MCC: variants seen among roughly 807,000 people sequenced by gnomAD.
MCC encodes MCC regulator of Wnt signaling pathway.
Under a neutral mutation model 116.2 loss-of-function variants are expected in MCC, and 90 were observed. The observed-to-expected ratio is 0.77, with a 90% CI of 0.65 to 0.92. The LOEUF is 0.92. Among genes scored for constraint, MCC ranks in the 40% least tolerant of loss-of-function variants. The probability of loss-of-function intolerance (pLI) is 0.00; values close to 1 mark genes in which losing one functional copy is unlikely to be tolerated. For missense variants in MCC, 1,516 were observed against 1,312.2 expected (o/e 1.16, Z -2.40); for synonymous variants, 578 against 510.5 (o/e 1.13, Z -1.78).
chr5:113,360,667 T>G (rs981717575), intron 2 of MCC, among the ~76,000 whole-genome samples: 6 of 152,214 alleles, frequency 3.9e-5, no homozygotes, highest in African/African-American at 1.4e-4. Flanking sequence ...TAAATTATGT[T>G]TTTCTGGAAA....
chr5:113,217,933 T>C (rs1050924793), intron 3 of MCC, among the ~76,000 whole-genome samples: 4 of 152,052 alleles, frequency 2.6e-5, no homozygotes, highest in Admixed American at 2.0e-4. Flanking sequence ...TTTCGGGGAC[T>C]GAGGAAGTGT....
At chr5:113,428,196 G>GT (rs1383644417) in intron 1 of MCC, among the ~76,000 whole-genome samples, 2 of 152,086 alleles carry the variant, frequency 1.3e-5, no homozygotes, top group Non-Finnish European at 2.9e-5. Flanking sequence ...TCAACCTCTA[G>GT]TACAAGGATG....
At chr5:113,127,795 C>G (rs943725263) in intron 5 of MCC, among the ~76,000 whole-genome samples, 1 of 152,162 alleles carries the variant, frequency 6.6e-6, no homozygotes, top group Non-Finnish European at 1.5e-5. Flanking sequence ...TGTAAGTTGT[C>G]TGTTTACTCT....
intron 1 of MCC, among the ~76,000 whole-genome samples, chr5:113,399,022 C>G (rs1769606177): frequency 6.6e-6 from 1 of 152,130 alleles, no homozygotes; most frequent in Non-Finnish European, 1.5e-5. Context: ...CTCAGTTGTA[C>G]TAGATCAACA....
At chr5:113,137,240 A>G (rs1254230194) in intron 5 of MCC, among the ~76,000 whole-genome samples, 1 of 152,112 alleles carries the variant, frequency 6.6e-6, no homozygotes, top group Non-Finnish European at 1.5e-5. Flanking sequence ...AAACCATCAG[A>G]TCTTGTCAGA....
intron 1 of MCC, among the ~76,000 whole-genome samples, chr5:113,421,568 C>A (rs1770334874): frequency 6.6e-6 from 1 of 152,182 alleles, no homozygotes; most frequent in Admixed American, 6.5e-5. Flanking sequence ...CATCTGTTAA[C>A]TATAAAAACT....
At chr5:113,052,644 G>T (rs192933285) in intron 15 of MCC, among the ~76,000 whole-genome samples, 12 of 152,132 alleles carry the variant, frequency 7.9e-5, no homozygotes, top group African/African-American at 2.9e-4. Context: ...GAGATGGTGC[G>T]ACCAGGGGGT....
intron 6 of MCC, among the ~76,000 whole-genome samples, chr5:113,111,496 G>A (rs1757094535): frequency 6.6e-6 from 1 of 152,290 alleles, no homozygotes; most frequent in South Asian, 2.1e-4. Flanking sequence ...AGCTACCTGC[G>A]ACACTGACCT....
chr5:113,180,583 T>C (rs1425945395), intron 3 of MCC, among the ~76,000 whole-genome samples: 1 of 152,168 alleles, frequency 6.6e-6, no homozygotes, highest in Non-Finnish European at 1.5e-5. Context: ...TGGCCCAAGA[T>C]TGACCACTTA....
At chr5:113,412,603 A>G (rs1028618284) in intron 1 of MCC, among the ~76,000 whole-genome samples, 1 of 152,072 alleles carries the variant, frequency 6.6e-6, no homozygotes, top group Non-Finnish European at 1.5e-5. Flanking sequence ...AATGCTTGTG[A>G]TTTTTGCACA....
At chr5:113,302,310 T>G (rs917023810) in intron 3 of MCC, among the ~76,000 whole-genome samples, 21 of 151,768 alleles carry the variant, frequency 1.4e-4, no homozygotes, top group Admixed American at 9.2e-4. Flanking sequence ...CTTCATCAAA[T>G]AAAATGCAAA....
chr5:113,455,896 T>G (rs1771529170), intron 1 of MCC, among the ~76,000 whole-genome samples: 1 of 152,118 alleles, frequency 6.6e-6, no homozygotes. Context: ...TGCACAATTA[T>G]CCCTATATAT....
intron 3 of MCC, among the ~76,000 whole-genome samples, chr5:113,184,479 G>GTTTTTTTTTTTTTTTTTTTTT (rs11303638): frequency 8.7e-6 from 1 of 115,144 alleles, no homozygotes. Flanking sequence ...TTCGTTTTTT[G>GTTTTTTTTTTTTTTTTTTTTT]TTTTTTTTTT....
Position 113,276,002 on chromosome 5 carries a change from C to A in MCC, c.627+64517G>T, listed in dbSNP as rs180677113. Among the ~76,000 whole-genome samples, 34 of 150,652 alleles carry A rather than the reference C, an allele frequency of 2.3e-4. No homozygotes were observed. The East Asian group carries it at 5.2e-3, about 23-fold the overall frequency. On this transcript the variant is annotated intron_variant, in intron 3 of 18. Coordinates refer to ENST00000408903, the MANE Select transcript of MCC (RefSeq NM_001085377.2). ...TTTTTTTTTTTTTAAGCAGGCCAACCCCAACTCCCATCCCATACCCATGGA... is the reference window on the plus strand; with the variant it reads ...TTTTTTTTTTTTTAAGCAGGCCAACACCAACTCCCATCCCATACCCATGGA...
In MCC at chr5:113,434,781, T is replaced by C. The variant is rs1345369341; in HGVS notation, c.171-49569A>G. 6.2e-7 allele frequency: 1 copy of C among 1,613,528 alleles called. No individual in the cohort carries two copies. The highest frequency in any genetic ancestry group is 1.7e-5 in the Admixed American group (1 of 60,016). On this transcript the variant is annotated intron_variant, in intron 1 of 18. Coordinates refer to ENST00000408903, the MANE Select transcript of MCC (RefSeq NM_001085377.2). This position sits in a 1 kb window ranked among gnomAD's most constrained non-coding sequence, Gnocchi z 4.2. Reference sequence around the variant, plus strand: ...AGATTTTACTTTTGCATAGGAGCCCTCTCCTAAATTTATCCCCAGGAGGTA... The same window carrying C: ...AGATTTTACTTTTGCATAGGAGCCCCCTCCTAAATTTATCCCCAGGAGGTA...
intron 1 of MCC, chr5:113,433,384 G>T (rs1770726721): frequency 6.0e-6 from 3 of 501,346 alleles, no homozygotes; most frequent in South Asian, 1.8e-5. Flanking sequence ...TGGTGCCCAA[G>T]GTGGACAGCG....
chr5:113,477,403 T>C (rs6878001), intron 1 of MCC, among the ~76,000 whole-genome samples: 31,256 of 152,182 alleles, frequency 0.21, 3,698 homozygotes, highest in Admixed American at 0.34. Flanking sequence ...AGAGGCTGGA[T>C]TTACCGTTTC....
At chr5:113,419,987 G>A (rs1294808375) in intron 1 of MCC, among the ~76,000 whole-genome samples, 1 of 150,148 alleles carries the variant, frequency 6.7e-6, no homozygotes, top group East Asian at 2.0e-4. Context: ...AAACCTGCAC[G>A]TTGTGCACAT....
intron 3 of MCC, among the ~76,000 whole-genome samples, chr5:113,321,633 T>C (rs1397391674): frequency 6.6e-6 from 1 of 152,224 alleles, no homozygotes; most frequent in Non-Finnish European, 1.5e-5. Context: ...CTGTCTTTTA[T>C]TCCTGAACTT....
Sources: gnomAD v4.1 joint callset for allele counts (sites outside exome capture counted in the v4.1 genomes callset) on GRCh38, gnomAD v4.1.1 for gene constraint, Gnocchi (gnomAD v3.1) non-coding constraint, MANE v1.5 for transcripts, NCBI Gene and HGNC (gene_info 2026-07-23, HGNC 2026-07-21) for gene names.